Variants in LNX1 observed in about 807,000 individuals in gnomAD.
LNX1 encodes the protein E3 ubiquitin-protein ligase LNX.
A neutral mutation model predicts 68.4 loss-of-function variants in LNX1; 54 were observed. The observed-to-expected ratio is 0.79, with a 90% CI of 0.63 to 0.99. LNX1 has a LOEUF of 0.99. Among genes scored for constraint, LNX1 ranks in the 50% least tolerant of loss-of-function variants. The pLI is 0.00. For missense variants in LNX1, 906 were observed against 926.4 expected (o/e 0.98, Z 0.29); for synonymous variants, 336 against 350.0 (o/e 0.96, Z 0.45).
chr4:53,612,783 G>T (rs1219236963), intron 2 of LNX1, among the ~76,000 whole-genome samples: 3 of 151,712 alleles, frequency 2.0e-5, no homozygotes, highest in Non-Finnish European at 4.4e-5. Flanking sequence ...TACTCAGGAG[G>T]CTGAGCTGGG....
rs377589260 is a variant in LNX1, at chr4:53,490,236, G to A, written c.1350+5787C>T. On this transcript the variant is annotated intron_variant, in intron 6 of 10. Coordinates refer to ENST00000263925, the MANE Select transcript of LNX1 (RefSeq NM_001126328.3). ...TATTTTCAGTTTCTGCATCAAGTCT[G>A]GAATTGCCTATGGAAAAAAGGCTTA... 3.3e-5 allele frequency among the ~76,000 whole-genome samples: 5 copies of A among 152,224 alleles called. No homozygotes were observed. The East Asian group carries it at 7.7e-4, about 24-fold the overall frequency.
intron 2 of LNX1, among the ~76,000 whole-genome samples, chr4:53,527,107 A>G (rs1727674774): frequency 6.6e-6 from 1 of 150,930 alleles, no homozygotes; most frequent in South Asian, 2.1e-4. Flanking sequence ...GCTTGTGTGT[A>G]TAAACATTAG....
At chr4:53,499,136 C>G (rs779247858) in intron 4 of LNX1, among the ~76,000 whole-genome samples, 28 of 152,048 alleles carry the variant, frequency 1.8e-4, no homozygotes, top group Non-Finnish European at 2.9e-4. Context: ...TTTCTCATGG[C>G]ACTCAACCCA....
chr4:53,527,051 T>TAA (rs11415751), intron 2 of LNX1, among the ~76,000 whole-genome samples: 82,486 of 121,308 alleles, frequency 0.68, 28,787 homozygotes, highest in Non-Finnish European at 0.76. Flanking sequence ...TCCCTGCCCC[T>TAA]AAAAAAAAAA....
At chr4:53,529,012 T>C (rs1401428452) in intron 2 of LNX1, among the ~76,000 whole-genome samples, 1 of 151,686 alleles carries the variant, frequency 6.6e-6, no homozygotes, top group African/African-American at 2.4e-5. Flanking sequence ...TTGATGTAGT[T>C]CCAAGATACA....
intron 2 of LNX1, among the ~76,000 whole-genome samples, chr4:53,570,011 A>G (rs1359767207): frequency 6.6e-6 from 1 of 152,232 alleles, no homozygotes; most frequent in African/African-American, 2.4e-5. Context: ...AAGTCAGGAA[A>G]GAACAGGTGG....
Position 53,459,302 on chromosome 4 carries a change from TAA to T in LNX1, c.*1603_*1604del. On this transcript the variant is annotated 3_prime_UTR_variant, in exon 11 of 11. Transcript: ENST00000263925. ...CTTTTTTTTTTTTTTTTTTTTCCAG[TAA>T]TAGTAGACGTCGCCATGAAAGTGAA... is the stretch of plus-strand genomic sequence containing the variant. The T allele has an allele frequency of 1.5e-6, 2 of 1,308,542 alleles. No homozygotes were observed. Among genetic ancestry groups the T allele is most frequent in the Admixed American group, 2.3e-5 (1 of 44,028 alleles). The allele number at this position is 1,308,542 out of a possible 1,614,324, so 81.1% of individuals were successfully genotyped here. A position where few individuals can be genotyped will look rare whatever the true frequency, so the allele number is the denominator to read the frequency against.
rs1721517613 is a variant in LNX1 at position 53,459,928 on chromosome 4, T to TTGA, written c.*976_*978dup. 9.1e-6 allele frequency: 2 copies of TTGA among 218,604 alleles called. No individual in the cohort carries two copies. The highest frequency in any genetic ancestry group is 1.8e-4 in the South Asian group (1 of 5,426). The allele number at this position is 218,604 out of a possible 1,614,324, so 13.5% of individuals were successfully genotyped here. ...AGTATATTAAGAGACTCATACATTT[T>TTGA]TGATATCACAACTTTTTGATGGCTT... On this transcript the variant is annotated 3_prime_UTR_variant, in exon 11 of 11. Transcript: ENST00000263925.
At chr4:53,529,302 T>C (rs1727858151) in intron 2 of LNX1, among the ~76,000 whole-genome samples, 1 of 152,158 alleles carries the variant, frequency 6.6e-6, no homozygotes, top group African/African-American at 2.4e-5. Flanking sequence ...GGACAGAATC[T>C]GCCTGGGAGC....
chr4:53,558,033 G>A (rs1560664947), intron 2 of LNX1: 2 of 1,597,906 alleles, frequency 1.3e-6, no homozygotes, highest in African/African-American at 1.3e-5. Context: ...AACCAGCCAA[G>A]CTCCTTTAAG....
intron 2 of LNX1, chr4:53,558,397 A>C (rs1439615795): frequency 5.2e-5 from 23 of 446,224 alleles, no homozygotes; most frequent in Non-Finnish European, 6.5e-5. Flanking sequence ...GAATAATTAA[A>C]TAATGAAAAG....
At chr4:53,625,940 C>T (rs1223284142) in intron 1 of LNX1, among the ~76,000 whole-genome samples, 1 of 151,548 alleles carries the variant, frequency 6.6e-6, no homozygotes, top group Non-Finnish European at 1.5e-5. Context: ...TGTACACAAA[C>T]ATTCATAGCA....
chr4:53,574,244 T>C (rs944345267), intron 1 of LNX1, among the ~76,000 whole-genome samples, 156 bp from the exon 2 acceptor site: 4 of 152,238 alleles, frequency 2.6e-5, no homozygotes, highest in African/African-American at 9.6e-5. Flanking sequence ...GACAGGACCT[T>C]GGGCAAGCCC....
chr4:53,481,068 TAGA>T (rs1160782027), intron 7 of LNX1, among the ~76,000 whole-genome samples: 2 of 152,224 alleles, frequency 1.3e-5, no homozygotes, highest in Non-Finnish European at 1.5e-5. Context: ...TTGCCTCTAA[TAGA>T]AGCCACAGAG....
Position 53,490,443 on chromosome 4 carries a change from C to A in LNX1, c.1350+5580G>T, listed in dbSNP as rs1022460880. ...AATTGTACTTAGTAGCTACATAAAT[C>A]ATCAGCACCATATTTGAGGCTTCTA... is the stretch of plus-strand genomic sequence containing the variant. On this transcript the variant is annotated intron_variant, in intron 6 of 10. Coordinates refer to ENST00000263925, the MANE Select transcript of LNX1 (RefSeq NM_001126328.3). 8.7e-4 allele frequency among the ~76,000 whole-genome samples: 132 copies of A among 152,190 alleles called. 1 individual carries two copies. Among genetic ancestry groups the A allele is most frequent in the African/African-American group, 3.0e-3 (126 of 41,448 alleles).
intron 2 of LNX1, among the ~76,000 whole-genome samples, chr4:53,523,440 C>T (rs1342473544): frequency 6.6e-6 from 1 of 152,158 alleles, no homozygotes; most frequent in Non-Finnish European, 1.5e-5. Flanking sequence ...GCGTGCACCA[C>T]CACGCCTGGC....
intron 3 of LNX1, 41 bp downstream of exon 3, chr4:53,507,945 G>T: frequency 1.3e-6 from 2 of 1,595,352 alleles, no homozygotes; most frequent in Non-Finnish European, 1.7e-6. Flanking sequence ...GCAATCGCAA[G>T]CCAAGGAGCC....
chr4:53,535,732 C>T lies in LNX1; in HGVS notation c.381-27505G>A, dbSNP rs1435218. Among the ~76,000 whole-genome samples, 13,524 of 152,236 alleles carry T rather than the reference C, an allele frequency of 0.089. 583 individuals are homozygous for T. The highest frequency in any genetic ancestry group is 0.1 in the Non-Finnish European group (6,766 of 67,994). On this transcript the variant is annotated intron_variant, in intron 2 of 10. Coordinates refer to ENST00000263925, the MANE Select transcript of LNX1 (RefSeq NM_001126328.3). ...GCGCCTTACATATGCCATGTACTTCCTAGTCTATTCCCTGCCTTTATGCCA... is the reference window on the plus strand; with the variant it reads ...GCGCCTTACATATGCCATGTACTTCTTAGTCTATTCCCTGCCTTTATGCCA...
intron 4 of LNX1, among the ~76,000 whole-genome samples, chr4:53,501,299 T>TTGTGGGGGGGG (rs56165716): frequency 2.6e-5 from 1 of 38,792 alleles, no homozygotes; most frequent in Non-Finnish European, 6.9e-5. Flanking sequence ...TTTTTTTTTT[T>TTGTGGGGGGGG]GGGGGTGGGG....
Sources: gnomAD v4.1 joint callset for allele counts (sites outside exome capture counted in the v4.1 genomes callset) on GRCh38, gnomAD v4.1.1 for gene constraint, MANE v1.5 for transcripts, NCBI Gene and HGNC (gene_info 2026-07-23, HGNC 2026-07-21) for gene names.